ULK4: variants seen among roughly 807,000 people sequenced by gnomAD.
ULK4 encodes the protein inactive serine/threonine-protein kinase ULK4.
A neutral mutation model predicts 160.6 loss-of-function variants in ULK4; 133 were observed. That is an observed-to-expected ratio of 0.83 (90% CI 0.72 to 0.96). The LOEUF is 0.96. Ranked by LOEUF, ULK4 falls within the 40% of genes least tolerant of loss-of-function variation. ULK4 has a pLI of 0.00. For missense variants in ULK4, 1,580 were observed against 1,499.5 expected (o/e 1.05, Z -0.89); for synonymous variants, 534 against 539.8 (o/e 0.99, Z 0.15).
intron 16 of ULK4, among the ~76,000 whole-genome samples, chr3:41,885,960 G>C (rs1629462): frequency 0.69 from 104,268 of 151,490 alleles, 39,190 homozygotes; most frequent in East Asian, 0.83. Flanking sequence ...TTACAGGTGT[G>C]AGCTACTGCA....
chr3:41,584,631 A>G (rs928168599), intron 31 of ULK4, among the ~76,000 whole-genome samples: 5 of 152,212 alleles, frequency 3.3e-5, no homozygotes, highest in Non-Finnish European at 7.3e-5. Flanking sequence ...CACAGCAACA[A>G]CTTTCATAAA....
At chr3:41,692,321 A>G (rs1359878377) in intron 27 of ULK4, among the ~76,000 whole-genome samples, 4 of 151,994 alleles carry the variant, frequency 2.6e-5, no homozygotes, top group African/African-American at 9.7e-5. Flanking sequence ...GACAGCAAAC[A>G]TGTTCTAAAC....
At chr3:41,746,975 CTAACTAAACTTT>C (rs2125887896) in intron 22 of ULK4, among the ~76,000 whole-genome samples, 1 of 152,060 alleles carries the variant, frequency 6.6e-6, no homozygotes, top group East Asian at 1.9e-4. Flanking sequence ...AAGAAAACCT[CTAACTAAACTTT>C]ATACTTTATG....
chr3:41,710,811 A>G (rs1311293886), intron 25 of ULK4, among the ~76,000 whole-genome samples: 3 of 149,000 alleles, frequency 2.0e-5, no homozygotes, highest in African/African-American at 7.5e-5. Flanking sequence ...AAAAAAAAAG[A>G]TTGTGACTAA....
Position 41,504,658 on chromosome 3 carries a change from A to T in ULK4, c.3227-41405T>A, listed in dbSNP as rs539176925. The stretch of plus-strand genomic sequence containing the variant: ...TTTATATAATAGCTTTCAGACAGAA[A>T]AAAATCTACAGGCACAATGTCGTAA... On this transcript the variant is annotated intron_variant, in intron 32 of 36. Coordinates refer to ENST00000301831, the MANE Select transcript of ULK4 (RefSeq NM_017886.4). Among the ~76,000 whole-genome samples, 6 of 152,334 alleles carry T rather than the reference A, an allele frequency of 3.9e-5. No homozygotes were observed. In the South Asian group the frequency reaches 1.2e-3, roughly 32 times the overall value.
At chr3:41,530,397 G>C (rs117365118) in intron 32 of ULK4, among the ~76,000 whole-genome samples, 374 of 152,256 alleles carry the variant, frequency 2.5e-3, no homozygotes, top group East Asian at 0.013. Flanking sequence ...AGTTGCACTG[G>C]GCCCTTATGT....
intron 21 of ULK4, among the ~76,000 whole-genome samples, chr3:41,765,596 CA>C (rs967770878): frequency 1.3e-5 from 2 of 151,782 alleles, no homozygotes; most frequent in Non-Finnish European, 2.9e-5. Flanking sequence ...AAAGACAACA[CA>C]AAGAGGAAAA....
intron 34 of ULK4, among the ~76,000 whole-genome samples, chr3:41,442,214 G>T (rs1406731588): frequency 6.6e-6 from 1 of 152,160 alleles, no homozygotes; most frequent in East Asian, 1.9e-4. Flanking sequence ...AGGGAGCCAG[G>T]ACAGGACAGA....
chr3:41,247,932 C>A (rs367939883), intron 36 of ULK4, among the ~76,000 whole-genome samples: 1 of 152,246 alleles, frequency 6.6e-6, no homozygotes, highest in Non-Finnish European at 1.5e-5. Context: ...CAAACGAGAA[C>A]TTTGCAGGAG....
intron 25 of ULK4, among the ~76,000 whole-genome samples, chr3:41,710,520 G>A (rs377497416): frequency 2.7e-4 from 41 of 152,158 alleles, no homozygotes; most frequent in Middle Eastern, 6.8e-3. Context: ...AGAACCGGAC[G>A]TGGTGGCTCA....
chr3:41,877,336 AAG>A (rs759708975), intron 17 of ULK4, among the ~76,000 whole-genome samples: 2 of 75,894 alleles, frequency 2.6e-5, no homozygotes, highest in Non-Finnish European at 6.7e-5. Context: ...ATTAATGGCC[AAG>A]AGTGTTTTTT....
At chr3:41,452,968 G>A (rs571022507) in intron 34 of ULK4, among the ~76,000 whole-genome samples, 3 of 152,180 alleles carry the variant, frequency 2.0e-5, no homozygotes, top group East Asian at 3.9e-4. Flanking sequence ...CAAGGAGAAC[G>A]GTGGTAGGGA....
In ULK4 at chr3:41,738,936, C is replaced by T. The variant is rs967756250; in HGVS notation, c.2321+15425G>A. The stretch of plus-strand genomic sequence containing the variant: ...CTAGCATATCTAGTACTACTTGAAC[C>T]CCTACAGCAAATGGAGCCCCAGGGA... On this transcript the variant is annotated intron_variant, in intron 22 of 36. Coordinates refer to ENST00000301831, the MANE Select transcript of ULK4 (RefSeq NM_017886.4). Among the ~76,000 whole-genome samples the T allele has an allele frequency of 2.0e-5, 3 of 151,876 alleles. No homozygotes were observed. The South Asian group carries it at 6.2e-4, about 31-fold the overall frequency.
chr3:41,411,085 G>T (rs1345707549), intron 34 of ULK4, among the ~76,000 whole-genome samples: 1 of 152,174 alleles, frequency 6.6e-6, no homozygotes, highest in Non-Finnish European at 1.5e-5. Flanking sequence ...AATAGAAAAA[G>T]TATTTGACAA....
intron 17 of ULK4, among the ~76,000 whole-genome samples, chr3:41,845,487 A>G (rs1027051491): frequency 2.0e-5 from 3 of 152,194 alleles, no homozygotes; most frequent in Non-Finnish European, 4.4e-5. Context: ...AAATATATAA[A>G]TGGAAAACAG....
At chr3:41,623,122 A>T (rs1199967408) in intron 30 of ULK4, among the ~76,000 whole-genome samples, 1 of 152,232 alleles carries the variant, frequency 6.6e-6, no homozygotes, top group Non-Finnish European at 1.5e-5. Flanking sequence ...AGAGCTTAAG[A>T]CAAACATGTT....
chr3:41,374,486 T>A (rs1189660384), intron 35 of ULK4, among the ~76,000 whole-genome samples: 1 of 152,050 alleles, frequency 6.6e-6, no homozygotes, highest in African/African-American at 2.4e-5. Flanking sequence ...GTTCAACATA[T>A]TCAACTCAAT....
At chr3:41,565,659 C>A (rs1217694937) in intron 32 of ULK4, among the ~76,000 whole-genome samples, 1 of 152,176 alleles carries the variant, frequency 6.6e-6, no homozygotes, top group Admixed American at 6.5e-5. Context: ...CAATCTTGGA[C>A]TTCTCAGCAT....
chr3:41,461,305 C>T (rs1264892439), intron 33 of ULK4, among the ~76,000 whole-genome samples: 1 of 152,112 alleles, frequency 6.6e-6, no homozygotes, highest in African/African-American at 2.4e-5. Flanking sequence ...CAGAAGAATC[C>T]CCAGTGTGAG....
Sources: allele counts gnomAD v4.1 joint callset (sites outside exome capture counted in the v4.1 genomes callset), GRCh38; gene constraint gnomAD v4.1.1; transcripts MANE v1.5; gene names NCBI Gene and HGNC (gene_info 2026-07-23, HGNC 2026-07-21).